The following FAM135B variants were observed in gnomAD, a reference collection of about 807,000 sequenced individuals.
FAM135B encodes the protein family with sequence similarity 135 member B, also known as protein FAM135B.
A neutral mutation model predicts 127.7 loss-of-function variants in FAM135B; 43 were observed. That is an observed-to-expected ratio of 0.34 (90% CI 0.26 to 0.43). FAM135B has a LOEUF of 0.43. FAM135B is among the 20% of genes least tolerant of loss of function. The probability of loss-of-function intolerance (pLI) is 1.00; values close to 1 mark genes in which losing one functional copy is unlikely to be tolerated. For missense variants in FAM135B, 1,558 were observed against 1,725.6 expected, an observed-to-expected ratio of 0.90 and a Z score of 1.72; for synonymous variants, 670 against 665.1, an observed-to-expected ratio of 1.01 and a Z score of -0.11.
chr8:138,458,465 T>C lies in FAM135B; in HGVS notation c.-20+38206A>G, dbSNP rs536521286. The stretch of plus-strand genomic sequence containing the variant: ...TGGCCTGAAATAAGATGGTCAAGGT[T>C]GCTATGGGGAAGAAGGAGCAGAGTA... On this transcript the variant is annotated intron_variant, in intron 1 of 19. Coordinates refer to ENST00000395297, the MANE Select transcript of FAM135B (RefSeq NM_015912.4). 2.0e-4 allele frequency among the ~76,000 whole-genome samples: 30 copies of C among 152,290 alleles called. 1 individual carries two copies. In the Middle Eastern group the frequency reaches 0.014, roughly 69 times the overall value.
chr8:138,320,519 G>A (rs745859045), intron 2 of FAM135B, among the ~76,000 whole-genome samples: 2 of 152,128 alleles, frequency 1.3e-5, no homozygotes, highest in Non-Finnish European at 1.5e-5. Context: ...ATCGTCTCTC[G>A]TTTCATGTAT....
At chr8:138,268,427 C>T (rs1373409071) in intron 3 of FAM135B, among the ~76,000 whole-genome samples, 1 of 152,104 alleles carries the variant, frequency 6.6e-6, no homozygotes, top group African/African-American at 2.4e-5. Context: ...CCCATTAAGC[C>T]TGGGATAAGG....
intron 7 of FAM135B, among the ~76,000 whole-genome samples, chr8:138,235,137 T>C (rs1820172175): frequency 6.6e-6 from 1 of 152,204 alleles, no homozygotes; most frequent in African/African-American, 2.4e-5. Context: ...GATGGCTACA[T>C]CTACAGTGGC....
At chr8:138,287,149 TACCC>T (rs1824750134) in intron 3 of FAM135B, among the ~76,000 whole-genome samples, 1 of 152,120 alleles carries the variant, frequency 6.6e-6, no homozygotes, top group Admixed American at 6.5e-5. Context: ...CTACATGATA[TACCC>T]AAAAATTGTC....
chr8:138,361,470 G>A (rs1246470438), intron 2 of FAM135B, among the ~76,000 whole-genome samples: 1 of 152,120 alleles, frequency 6.6e-6, no homozygotes, highest in African/African-American at 2.4e-5. Context: ...ACCCTATGCT[G>A]GGCACTGGCA....
chr8:138,381,263 G>A (rs1404022334), intron 1 of FAM135B, among the ~76,000 whole-genome samples: 2 of 152,120 alleles, frequency 1.3e-5, no homozygotes, highest in African/African-American at 4.8e-5. Flanking sequence ...TCATCAAAGT[G>A]CTCCACTACC....
intron 12 of FAM135B, among the ~76,000 whole-genome samples, chr8:138,162,354 A>G (rs1819484825): frequency 6.6e-6 from 1 of 152,230 alleles, no homozygotes; most frequent in Non-Finnish European, 1.5e-5. Context: ...TGTGTATGAT[A>G]CTATAAGAGT....
chr8:138,265,313 G>A (rs1339930051), intron 4 of FAM135B, among the ~76,000 whole-genome samples: 2 of 152,088 alleles, frequency 1.3e-5, no homozygotes, highest in Non-Finnish European at 2.9e-5. Context: ...TAGAGTTCCT[G>A]CTGCCTTCTC....
intron 3 of FAM135B, among the ~76,000 whole-genome samples, chr8:138,266,652 T>C (rs1318540580): frequency 6.7e-6 from 1 of 148,888 alleles, no homozygotes; most frequent in Non-Finnish European, 1.5e-5. Flanking sequence ...TATATACATA[T>C]ATATATATTA....
chr8:138,288,345 T>A (rs1824852838), intron 3 of FAM135B, among the ~76,000 whole-genome samples: 2 of 152,056 alleles, frequency 1.3e-5, no homozygotes, highest in Non-Finnish European at 2.9e-5. Flanking sequence ...CAAATCTACC[T>A]GAGAAAAAGA....
At chr8:138,352,773 T>C (rs947962286) in intron 2 of FAM135B, among the ~76,000 whole-genome samples, 2 of 99,718 alleles carry the variant, frequency 2.0e-5, no homozygotes, top group African/African-American at 8.0e-5. Context: ...CTGTTTCTTA[T>C]GGTTCTATAG....
At chr8:138,324,452 A>G (rs1292918048) in intron 2 of FAM135B, among the ~76,000 whole-genome samples, 1 of 152,228 alleles carries the variant, frequency 6.6e-6, no homozygotes, top group Non-Finnish European at 1.5e-5. Flanking sequence ...TTTTTGCAGA[A>G]TCTTAAAAGT....
At chr8:138,428,724 G>C (rs920006490) in intron 1 of FAM135B, among the ~76,000 whole-genome samples, 20 of 152,070 alleles carry the variant, frequency 1.3e-4, no homozygotes, top group African/African-American at 3.6e-4. Context: ...GTCTTAGTAG[G>C]GATCCCTGCC....
At chr8:138,385,715 G>C (rs1475599324) in intron 1 of FAM135B, among the ~76,000 whole-genome samples, 1 of 152,102 alleles carries the variant, frequency 6.6e-6, no homozygotes. Flanking sequence ...TGGAGGCTGA[G>C]GCAGGAGAAT....
At chr8:138,413,433 C>T (rs1833970112) in intron 1 of FAM135B, among the ~76,000 whole-genome samples, 1 of 152,156 alleles carries the variant, frequency 6.6e-6, no homozygotes, top group Admixed American at 6.5e-5. Context: ...CTTAGGAAGC[C>T]TTCTCTAAAA....
chr8:138,401,202 T>G (rs1393075459), intron 1 of FAM135B, among the ~76,000 whole-genome samples: 1 of 152,186 alleles, frequency 6.6e-6, no homozygotes, highest in African/African-American at 2.4e-5. Flanking sequence ...GAGATGATGA[T>G]TCCCTCTGTA....
chr8:138,131,527 C>A lies in FAM135B; in HGVS notation c.*1066G>T, dbSNP rs1355013749. 2.6e-5 allele frequency: 4 copies of A among 152,602 alleles called. No individual in the cohort carries two copies. Among genetic ancestry groups the A allele is most frequent in the African/African-American group, 4.8e-5 (2 of 41,444 alleles). The allele number at this position is 152,602 out of a possible 1,614,324, so 9.5% of individuals were successfully genotyped here. A position where few individuals can be genotyped will look rare whatever the true frequency, so the allele number is the denominator to read the frequency against. ...TTATCAACGCAGTGACCTTTCCTAG[C>A]CCTTTATTTTCCTAAGGCAAGAAGA... On this transcript the variant is annotated 3_prime_UTR_variant, in exon 20 of 20. Coordinates refer to ENST00000395297, the MANE Select transcript of FAM135B (RefSeq NM_015912.4).
chr8:138,168,857 C>T (rs193019082), intron 11 of FAM135B, among the ~76,000 whole-genome samples: 2 of 152,120 alleles, frequency 1.3e-5, no homozygotes, highest in Admixed American at 6.6e-5. Flanking sequence ...AGGAGCCTTA[C>T]GGAGTCTATG....
intron 9 of FAM135B, among the ~76,000 whole-genome samples, chr8:138,186,341 T>C (rs558287385): frequency 9.4e-4 from 143 of 152,324 alleles, no homozygotes; most frequent in African/African-American, 3.4e-3. Flanking sequence ...TAAACATTTA[T>C]AAGAATTGTA....
Sources: allele counts gnomAD v4.1 joint callset (sites outside exome capture counted in the v4.1 genomes callset), GRCh38; gene constraint gnomAD v4.1.1; transcripts MANE v1.5; gene names NCBI Gene and HGNC (gene_info 2026-07-23, HGNC 2026-07-21).